SWAP70: variants seen among roughly 807,000 people sequenced by gnomAD.
The protein encoded by SWAP70 is switch-associated protein 70.
In SWAP70, 34 loss-of-function variants were observed where a neutral mutation model predicts 80.2. That is an observed-to-expected ratio of 0.42 (90% CI 0.32 to 0.56). The LOEUF is 0.56. SWAP70 is among the 20% of genes least tolerant of loss of function. The pLI is 0.09. For missense variants in SWAP70, 578 were observed against 690.7 expected (o/e 0.84, Z 1.83); for synonymous variants, 239 against 238.5 (o/e 1.00, Z -0.02).
chr11:9,742,553 A>T (rs933466859), intron 9 of SWAP70, among the ~76,000 whole-genome samples: 2 of 151,392 alleles, frequency 1.3e-5, no homozygotes, highest in African/African-American at 2.4e-5. Flanking sequence ...GCCAGGATGG[A>T]CTCCATCTCC....
chr11:9,740,708 G>T, intron 9 of SWAP70: 1 of 313,218 alleles, frequency 3.2e-6, no homozygotes, highest in Non-Finnish European at 6.1e-6. Context: ...AGGGCCATTG[G>T]TATGCAGGCA....
intron 1 of SWAP70, among the ~76,000 whole-genome samples, chr11:9,669,786 G>C (rs974124066): frequency 2.0e-5 from 3 of 152,046 alleles, no homozygotes; most frequent in Admixed American, 6.6e-5. Flanking sequence ...TATGCCAGGG[G>C]CCCCCCAGGT....
chr11:9,745,856 A>C (rs1851505165), intron 9 of SWAP70, among the ~76,000 whole-genome samples: 1 of 152,218 alleles, frequency 6.6e-6, no homozygotes, highest in South Asian at 2.1e-4. Flanking sequence ...CTAAAGCAAT[A>C]AAACAATTTG....
chr11:9,701,216 G>T (rs1270021043), intron 2 of SWAP70, among the ~76,000 whole-genome samples: 3 of 151,188 alleles, frequency 2.0e-5, no homozygotes, highest in Non-Finnish European at 2.9e-5. Context: ...TTGTTCCCCA[G>T]GCTGGAGTGT....
At chr11:9,740,393 G>A (rs777772055) in intron 9 of SWAP70, 46 bp downstream of exon 9, 22 of 1,591,010 alleles carry the variant, frequency 1.4e-5, no homozygotes, top group Non-Finnish European at 1.9e-5. Context: ...CTTTGCCTGG[G>A]CTAATACAGT....
chr11:9,664,940 G>A (rs961119725), intron 1 of SWAP70, among the ~76,000 whole-genome samples: 2 of 152,156 alleles, frequency 1.3e-5, no homozygotes, highest in Non-Finnish European at 2.9e-5. Flanking sequence ...GGTGAGGAGC[G>A]CTGATCTTTC....
chr11:9,705,120 C>T (rs112935946), intron 2 of SWAP70, among the ~76,000 whole-genome samples: 1 of 132,320 alleles, frequency 7.6e-6, no homozygotes, highest in Non-Finnish European at 1.5e-5. Context: ...GATCTGTATA[C>T]ACTTGGTGAT....
At chr11:9,670,490 T>A (rs1850362313) in intron 1 of SWAP70, among the ~76,000 whole-genome samples, 1 of 152,090 alleles carries the variant, frequency 6.6e-6, no homozygotes, top group African/African-American at 2.4e-5. Context: ...GGGTGTATGT[T>A]CAGCTGGAGA....
intron 11 of SWAP70, 115 bp from the exon 12 acceptor site, chr11:9,749,749 C>G (rs16906967): frequency 0.057 from 37,119 of 645,736 alleles, 4,279 homozygotes; most frequent in East Asian, 0.31. Flanking sequence ...GACATTTATG[C>G]ATGTTCCTCA....
Position 9,729,395 on chromosome 11 carries a change from A to G in SWAP70, c.842A>G (p.Asp281Gly). ...TGCCTTTTTCTCGTAAAATGTTTTG[A>G]TAAGACTTTTGAAATCAGTGCTTCA... ...KKCLFLVKCF[D>G]KTFEISASDK... The change falls in exon 6 of 12, where the codon GAT (aspartate) becomes GGT (glycine). Residue 281 changes from aspartate (D) to glycine (G), a missense_variant. Physicochemically the swap from Asp to Gly is moderately conservative, Grantham distance 94. Coordinates refer to ENST00000318950, the MANE Select transcript of SWAP70 (RefSeq NM_015055.4). 6.2e-7 allele frequency: 1 copy of G among 1,614,020 alleles called. No individual in the cohort carries two copies. The highest frequency in any genetic ancestry group is 8.5e-7 in the Non-Finnish European group (1 of 1,179,952).
At chr11:9,746,498 A>G (rs1851514265) in intron 9 of SWAP70, among the ~76,000 whole-genome samples, 1 of 152,232 alleles carries the variant, frequency 6.6e-6, no homozygotes, top group South Asian at 2.1e-4. Flanking sequence ...GTCAGACCAC[A>G]TCTGTAGTGT....
chr11:9,740,953 A>G (rs1017370872), intron 9 of SWAP70: 1 of 155,664 alleles, frequency 6.4e-6, no homozygotes, highest in Non-Finnish European at 1.4e-5. Flanking sequence ...GGACAAAATA[A>G]AATGAAGACT....
At chr11:9,679,771 C>T (rs1298905664) in intron 1 of SWAP70, among the ~76,000 whole-genome samples, 2 of 152,106 alleles carry the variant, frequency 1.3e-5, no homozygotes, top group African/African-American at 4.8e-5. Context: ...CAAGTTCACA[C>T]CATTCTCCTG....
At chr11:9,664,304 C>G (rs1023861070) in intron 1 of SWAP70, 26 bp downstream of exon 1, 16 of 1,545,404 alleles carry the variant, frequency 1.0e-5, no homozygotes, top group Admixed American at 2.0e-5. Flanking sequence ...CCCGGCCCCC[C>G]ACCCGACCCT....
intron 2 of SWAP70, among the ~76,000 whole-genome samples, chr11:9,710,988 TTTTTTA>T (rs960136794): frequency 1.4e-5 from 2 of 144,856 alleles, no homozygotes; most frequent in African/African-American, 5.3e-5. Context: ...GCCTGGCCTG[TTTTTTA>T]TTTTTATTTA....
At chr11:9,671,501 A>AATATATAAAAGTATATTTATAAAT (rs1850387341) in intron 1 of SWAP70, among the ~76,000 whole-genome samples, 25 of 84,822 alleles carry the variant, frequency 2.9e-4, no homozygotes, top group African/African-American at 1.1e-3. Context: ...TATATATATA[A>AATATATAAAAGTATATTTATAAAT]ATATATATAA....
intron 9 of SWAP70, 80 bp downstream of exon 9, chr11:9,740,427 G>A (rs757676317): frequency 6.4e-6 from 9 of 1,405,792 alleles, no homozygotes; most frequent in South Asian, 5.8e-5. Context: ...TAACACTCTG[G>A]TGGAGAGGGA....
chr11:9,749,274 G>T (rs570665128), intron 11 of SWAP70, 91 bp downstream of exon 11: 1 of 645,560 alleles, frequency 1.5e-6, no homozygotes, highest in Non-Finnish European at 2.0e-6. Flanking sequence ...ATGGAGTCTC[G>T]CTCTGTCGCC....
intron 2 of SWAP70, among the ~76,000 whole-genome samples, chr11:9,699,258 T>C (rs899582567): frequency 6.6e-6 from 1 of 152,146 alleles, no homozygotes; most frequent in Non-Finnish European, 1.5e-5. Flanking sequence ...CTTATGAATA[T>C]ATTGAAAACC....
Sources: gnomAD v4.1 joint callset for allele counts (sites outside exome capture counted in the v4.1 genomes callset) on GRCh38, gnomAD v4.1.1 for gene constraint, MANE v1.5 for transcripts, NCBI Gene and HGNC (gene_info 2026-07-23, HGNC 2026-07-21) for gene names.